Variants in PCBP3 observed in about 807,000 individuals in gnomAD.
PCBP3 encodes the protein poly(rC) binding protein 3, also known as poly(rC)-binding protein 3.
PCBP3 carries 25 observed loss-of-function variants against 52.7 expected under a neutral mutation model. The ratio of observed to expected loss-of-function variants is 0.47; its 90% CI spans 0.35 to 0.66. PCBP3 has a LOEUF of 0.66. Ranked by LOEUF, PCBP3 falls within the 30% of genes least tolerant of loss-of-function variation. The pLI is 0.01. For synonymous variants in PCBP3, 162 were observed against 183.0 expected, an observed-to-expected ratio of 0.89 and a Z score of 0.93; for missense variants, 391 against 490.3, an observed-to-expected ratio of 0.80 and a Z score of 1.91.
At chr21:45,709,714 C>A (rs1361070056) in intron 2 of PCBP3, among the ~76,000 whole-genome samples, 1 of 152,124 alleles carries the variant, frequency 6.6e-6, no homozygotes, top group Non-Finnish European at 1.5e-5. Flanking sequence ...AGTTAATGGA[C>A]CAATATCAGC....
chr21:45,910,051 C>A (rs1345193976), intron 10 of PCBP3, among the ~76,000 whole-genome samples: 2 of 17,146 alleles, frequency 1.2e-4, no homozygotes, highest in Non-Finnish European at 2.2e-4. Flanking sequence ...GGACCCCCCC[C>A]ACCACTGCCC....
intron 4 of PCBP3, among the ~76,000 whole-genome samples, chr21:45,785,220 C>A (rs1239264880): frequency 1.3e-5 from 2 of 151,888 alleles, no homozygotes; most frequent in African/African-American, 4.8e-5. Context: ...AGCCCCTCCG[C>A]CCGGCAGCCA....
chr21:45,767,491 A>G (rs1208859054), intron 4 of PCBP3, among the ~76,000 whole-genome samples: 2 of 152,226 alleles, frequency 1.3e-5, no homozygotes, highest in Non-Finnish European at 1.5e-5. Context: ...TAGTACCACC[A>G]TGAACATTCT....
chr21:45,914,159 C>G, intron 12 of PCBP3, 134 bp downstream of exon 12: 2 of 1,471,836 alleles, frequency 1.4e-6, no homozygotes, highest in Non-Finnish European at 1.8e-6. Flanking sequence ...GGAGGCAGAG[C>G]TCTTCCACCT....
Position 45,917,411 on chromosome 21 carries a change from C to T in PCBP3, c.676-177C>T. The stretch of plus-strand genomic sequence containing the variant: ...CCCAGAGGAAGTGGGTGCGGCTCCC[C>T]TGGGGCTCCTGGTGCCCTGGGAGGG... On this transcript the variant is annotated intron_variant, in intron 12 of 17. Coordinates refer to ENST00000681687, the MANE Select transcript of PCBP3 (RefSeq NM_001384156.1). The surrounding 1 kb of genome is among the most constrained non-coding windows in gnomAD (Gnocchi z 5.3). 1 of 589,496 alleles carries T rather than the reference C, an allele frequency of 1.7e-6. No individual in the cohort carries two copies. Among genetic ancestry groups the T allele is most frequent in the Non-Finnish European group, 3.0e-6 (1 of 330,624 alleles). The allele number at this position is 589,496 out of a possible 1,614,324, so 36.5% of individuals were successfully genotyped here. A position where few individuals can be genotyped will look rare whatever the true frequency, so the allele number is the denominator to read the frequency against.
Position 45,643,766 on chromosome 21 carries a change from C to T in PCBP3, c.-381C>T, listed in dbSNP as rs1029290369. On this transcript the variant is annotated 5_prime_UTR_variant, in exon 1 of 18. Transcript: ENST00000681687. ...CCGCGGTCGCCGCCGCTTCGGCTGA[C>T]TTAGGCTCCGCCGCCGCCTCCTCAC... 6.7e-6 allele frequency: 1 copy of T among 148,592 alleles called. No homozygotes were observed. The highest frequency in any genetic ancestry group is 1.5e-5 in the Non-Finnish European group (1 of 66,664). 9.2% of individuals were successfully genotyped at this position (148,592 alleles called of 1,614,324 possible).
At chr21:45,784,040 C>T (rs2090851678) in intron 4 of PCBP3, among the ~76,000 whole-genome samples, 1 of 152,128 alleles carries the variant, frequency 6.6e-6, no homozygotes. Context: ...AAGGTTAAAA[C>T]ATTGGAGAGT....
At chr21:45,747,767 C>T (rs1024936225) in intron 3 of PCBP3, among the ~76,000 whole-genome samples, 3 of 152,234 alleles carry the variant, frequency 2.0e-5, no homozygotes, top group East Asian at 1.9e-4. Flanking sequence ...GCACACCTCT[C>T]GAGGGAGGAC....
intron 4 of PCBP3, among the ~76,000 whole-genome samples, chr21:45,811,055 G>A (rs2092674320): frequency 6.6e-6 from 1 of 151,828 alleles, no homozygotes; most frequent in African/African-American, 2.4e-5. Context: ...TCTTGGTCTA[G>A]GTGTTTTTCC....
chr21:45,878,948 A>T (rs1306612645), intron 5 of PCBP3, among the ~76,000 whole-genome samples: 1 of 152,148 alleles, frequency 6.6e-6, no homozygotes. Context: ...AATGAATGGA[A>T]AAATAGGAAC....
chr21:45,919,780 C>A (rs952216560), intron 13 of PCBP3, among the ~76,000 whole-genome samples: 10 of 152,222 alleles, frequency 6.6e-5, no homozygotes, highest in African/African-American at 2.4e-4. Context: ...GCTGCCCCAG[C>A]CTGCGCCCAG....
intron 17 of PCBP3, among the ~76,000 whole-genome samples, chr21:45,941,038 T>C (rs2077412456): frequency 1.3e-5 from 2 of 152,118 alleles, no homozygotes; most frequent in South Asian, 4.1e-4. Context: ...GCACGCCCAG[T>C]GAGTGGGTGA....
intron 2 of PCBP3, among the ~76,000 whole-genome samples, chr21:45,700,443 G>C (rs563622555): frequency 1.3e-5 from 2 of 152,264 alleles, no homozygotes; most frequent in Middle Eastern, 3.4e-3. Context: ...AAGGAGCCCT[G>C]GAAGCAGCCC....
chr21:45,785,339 G>T (rs76907622), intron 4 of PCBP3, among the ~76,000 whole-genome samples: 24,870 of 145,908 alleles, frequency 0.17, 2,224 homozygotes, highest in Non-Finnish European at 0.23. Flanking sequence ...GGAGGGAGGT[G>T]GGGGGGTCAG....
At chr21:45,816,738 T>C (rs2092975436) in intron 4 of PCBP3, among the ~76,000 whole-genome samples, 1 of 144,442 alleles carries the variant, frequency 6.9e-6, no homozygotes, top group Non-Finnish European at 1.5e-5. Flanking sequence ...CTGTTCTATG[T>C]TAACTTTTTT....
chr21:45,903,338 G>A (rs2096116032), intron 9 of PCBP3, among the ~76,000 whole-genome samples: 1 of 152,192 alleles, frequency 6.6e-6, no homozygotes, highest in African/African-American at 2.4e-5. Context: ...GGACCGATCA[G>A]TAAACTTTAA....
intron 5 of PCBP3, among the ~76,000 whole-genome samples, chr21:45,870,003 ATGTT>A (rs1247638991): frequency 6.6e-6 from 1 of 152,104 alleles, no homozygotes; most frequent in Non-Finnish European, 1.5e-5. Flanking sequence ...TTTTTTGTGT[ATGTT>A]TCTTATCTAA....
chr21:45,815,003 AG>A (rs2092840074), intron 4 of PCBP3, among the ~76,000 whole-genome samples: 1 of 71,972 alleles, frequency 1.4e-5, no homozygotes, highest in African/African-American at 6.1e-5. Flanking sequence ...GTGGTGAGTG[AG>A]TGGTGAGTGA....
At chr21:45,670,557 G>T (rs533536932) in intron 2 of PCBP3, among the ~76,000 whole-genome samples, 27 of 152,276 alleles carry the variant, frequency 1.8e-4, no homozygotes, top group Non-Finnish European at 3.1e-4. Context: ...TCTTAAAGGA[G>T]CAAGCTTAAT....
Sources: allele counts gnomAD v4.1 joint callset (sites outside exome capture counted in the v4.1 genomes callset), GRCh38; gene constraint gnomAD v4.1.1; non-coding constraint Gnocchi (gnomAD v3.1); transcripts MANE v1.5; gene names NCBI Gene and HGNC (gene_info 2026-07-23, HGNC 2026-07-21).